LTBP1: variants seen among roughly 807,000 people sequenced by gnomAD.
LTBP1 encodes latent-transforming growth factor beta-binding protein 1.
Under a neutral mutation model 207.6 loss-of-function variants are expected in LTBP1, and 129 were observed. The ratio of observed to expected loss-of-function variants is 0.62; its 90% CI spans 0.54 to 0.72. LTBP1 has a LOEUF of 0.72. Among genes scored for constraint, LTBP1 ranks in the 30% least tolerant of loss-of-function variants. The pLI, the probability that LTBP1 is intolerant of heterozygous loss-of-function variation, is 0.00. For synonymous variants in LTBP1, 963 were observed against 833.7 expected, an observed-to-expected ratio of 1.16 and a Z score of -2.67; for missense variants, 2,281 against 2,217.2, an observed-to-expected ratio of 1.03 and a Z score of -0.58.
At chr2:33,130,883 T>C (rs1313676717) in intron 4 of LTBP1, among the ~76,000 whole-genome samples, 2 of 152,148 alleles carry the variant, frequency 1.3e-5, no homozygotes, top group African/African-American at 4.8e-5. Context: ...CCTAAAGGGA[T>C]CTAAAAATTG....
chr2:33,004,445 C>T (rs1224847700), intron 2 of LTBP1, among the ~76,000 whole-genome samples: 1 of 151,788 alleles, frequency 6.6e-6, no homozygotes, highest in African/African-American at 2.4e-5. Flanking sequence ...AATCCACATA[C>T]CATACAATTC....
At chr2:33,120,923 A>G (rs1212194090) in intron 4 of LTBP1, among the ~76,000 whole-genome samples, 1 of 152,238 alleles carries the variant, frequency 6.6e-6, no homozygotes, top group Non-Finnish European at 1.5e-5. Flanking sequence ...TACGTGGTTG[A>G]CTACTCAGAC....
At chr2:32,962,320 C>T (rs1679252340) in intron 2 of LTBP1, among the ~76,000 whole-genome samples, 1 of 152,110 alleles carries the variant, frequency 6.6e-6, no homozygotes, top group South Asian at 2.1e-4. Flanking sequence ...CAAGAGAGCC[C>T]TGTTTCTTTT....
chr2:33,017,682 T>A (rs1286928600), intron 2 of LTBP1, among the ~76,000 whole-genome samples: 1 of 152,244 alleles, frequency 6.6e-6, no homozygotes, highest in East Asian at 1.9e-4. Flanking sequence ...AGTGGCGCTA[T>A]CTCGGCTCAC....
chr2:33,158,329 A>C (rs2084174599), intron 5 of LTBP1, among the ~76,000 whole-genome samples: 2 of 152,202 alleles, frequency 1.3e-5, no homozygotes, highest in Admixed American at 1.3e-4. Flanking sequence ...ACATAGAAGT[A>C]AGTAGTTACA....
chr2:33,263,938 C>A lies in LTBP1; in HGVS notation c.2617+546C>A, dbSNP rs1342152147. Among the ~76,000 whole-genome samples the A allele has an allele frequency of 1.1e-4, 14 of 123,070 alleles. No individual in the cohort carries two copies. The East Asian group carries it at 3.4e-3, about 30-fold the overall frequency. 80.7% of individuals were successfully genotyped at this position (123,070 alleles called of 152,430 possible). ...ACTGCACTCCAGCCTGGTGACAGAG[C>A]GAGACTCTGTCTAAAAAAAGAAAAA... is the stretch of plus-strand genomic sequence containing the variant. On this transcript the variant is annotated intron_variant, in intron 15 of 33. Transcript: ENST00000404816.
Position 33,257,448 on chromosome 2 carries a change from G to C in LTBP1, c.2332G>C (p.Glu778Gln). Residue 778 changes from glutamate (E) to glutamine (Q), a missense_variant, in exon 12 of 34, where the codon GAA becomes CAA. Glu to Gln is a conservative substitution (Grantham distance 29). Coordinates refer to ENST00000404816, the MANE Select transcript of LTBP1 (RefSeq NM_206943.4). The stretch of plus-strand genomic sequence containing the variant: ...TCATCCTCCACCTCTCCCAGCCAAG[G>C]AAGAGCCAGTGGAGGCCCTGACCTT... ...STHPPPLPAK[E>Q]EPVEALTFSR... The C allele has an allele frequency of 1.2e-6, 2 of 1,614,226 alleles. No homozygotes were observed. Among genetic ancestry groups the C allele is most frequent in the Middle Eastern group, 1.6e-4 (1 of 6,062 alleles).
At chr2:33,382,968 C>G (rs1212816807) in intron 31 of LTBP1, among the ~76,000 whole-genome samples, 3 of 152,228 alleles carry the variant, frequency 2.0e-5, no homozygotes, top group Non-Finnish European at 4.4e-5. Context: ...AAGGAGGTCT[C>G]TCTTCCACCT....
chr2:33,051,029 T>G (rs1309065616), intron 3 of LTBP1, among the ~76,000 whole-genome samples: 1 of 152,096 alleles, frequency 6.6e-6, no homozygotes, highest in African/African-American at 2.4e-5. Context: ...GGCCTGAAAC[T>G]CTTGAGGTTT....
chr2:32,989,747 T>G (rs1572964304), intron 2 of LTBP1, among the ~76,000 whole-genome samples: 1 of 152,172 alleles, frequency 6.6e-6, no homozygotes, highest in African/African-American at 2.4e-5. Context: ...TCAAATAGTG[T>G]AATGGTCAAG....
At chr2:33,200,288 A>G (rs887952772) in intron 7 of LTBP1, among the ~76,000 whole-genome samples, 5 of 152,230 alleles carry the variant, frequency 3.3e-5, no homozygotes, top group African/African-American at 1.2e-4. Context: ...ATATAAATCA[A>G]TGCAACAGAA....
intron 2 of LTBP1, among the ~76,000 whole-genome samples, chr2:32,986,321 TGTGGTGGGAGAGGGC>T (rs2148795966): frequency 6.6e-6 from 1 of 151,982 alleles, no homozygotes; most frequent in South Asian, 2.1e-4. Context: ...GTGTGCAAGG[TGTGGTGGGAGAGGGC>T]GTGGTGGACT....
At chr2:33,232,026 AG>A (rs1269600049) in intron 9 of LTBP1, among the ~76,000 whole-genome samples, 3 of 152,182 alleles carry the variant, frequency 2.0e-5, no homozygotes, top group African/African-American at 7.2e-5. Flanking sequence ...AATAAGGAAA[AG>A]TAAAAGTGTA....
At chr2:33,319,236 A>G (rs1032657542) in intron 24 of LTBP1, among the ~76,000 whole-genome samples, 4 of 152,108 alleles carry the variant, frequency 2.6e-5, no homozygotes, top group African/African-American at 9.7e-5. Flanking sequence ...CGTCTCTACT[A>G]AAAATACAAA....
At chr2:33,169,279 T>C (rs1051188452) in intron 5 of LTBP1, among the ~76,000 whole-genome samples, 3 of 152,250 alleles carry the variant, frequency 2.0e-5, no homozygotes, top group Non-Finnish European at 4.4e-5. Flanking sequence ...TGTTCTTCCA[T>C]TCCTAACTCC....
At position 33,168,491 on chromosome 2, in the gene LTBP1, A is replaced by G. The variant is rs371795505; in HGVS notation, c.1202-18365A>G. On this transcript the variant is annotated intron_variant, in intron 5 of 33. Transcript: ENST00000404816. ...ATTTTTAATCTATCAGATTATAAAA[A>G]TGAAACTTGTGATGTTGTCTTACAA... Among the ~76,000 whole-genome samples the G allele has an allele frequency of 2.8e-4, 43 of 152,254 alleles. No homozygotes were observed. In the South Asian group the frequency reaches 8.3e-3, roughly 29 times the overall value.
At position 33,321,004 on chromosome 2, in the gene LTBP1, A is replaced by C. The variant is rs2094345866; in HGVS notation, c.3730+5735A>C. 3.9e-5 allele frequency among the ~76,000 whole-genome samples: 6 copies of C among 152,178 alleles called. No individual in the cohort carries two copies. The South Asian group carries it at 1.0e-3, about 26-fold the overall frequency. On this transcript the variant is annotated intron_variant, in intron 24 of 33. Coordinates refer to ENST00000404816, the MANE Select transcript of LTBP1 (RefSeq NM_206943.4). ...AAAAATGAAAACCTTTCATTTTATT[A>C]ATAATTCTATATTCCACTCCTGTAT...
At chr2:33,205,470 C>T (rs764266782) in intron 7 of LTBP1, among the ~76,000 whole-genome samples, 3 of 152,126 alleles carry the variant, frequency 2.0e-5, no homozygotes, top group African/African-American at 7.2e-5. Flanking sequence ...ACAAAGTTTA[C>T]GTTTTGTGTG....
chr2:33,300,609 G>T, intron 21 of LTBP1, 36 bp downstream of exon 21: 1 of 1,591,822 alleles, frequency 6.3e-7, no homozygotes, highest in Non-Finnish European at 8.6e-7. Context: ...TGAAACTTCA[G>T]CTTAAAGCAC....
Sources: allele counts gnomAD v4.1 joint callset (sites outside exome capture counted in the v4.1 genomes callset), GRCh38; gene constraint gnomAD v4.1.1; transcripts MANE v1.5; gene names NCBI Gene and HGNC (gene_info 2026-07-23, HGNC 2026-07-21).